HDLBP: variants seen among roughly 807,000 people sequenced by gnomAD.
HDLBP encodes vigilin.
Under a neutral mutation model 137.3 loss-of-function variants are expected in HDLBP, and 30 were observed. The ratio of observed to expected loss-of-function variants is 0.22; its 90% CI spans 0.16 to 0.30. The LOEUF (loss-of-function observed/expected upper bound fraction) is 0.30, where lower values mean the gene tolerates loss of function less well. Ranked by LOEUF, HDLBP falls within the 10% of genes least tolerant of loss-of-function variation. The pLI, the probability that HDLBP is intolerant of heterozygous loss-of-function variation, is 1.00. For missense variants in HDLBP, 1,119 were observed against 1,667.3 expected (o/e 0.67, Z 5.73); for synonymous variants, 606 against 596.0 (o/e 1.02, Z -0.24).
chr2:241,238,946 G>A lies in HDLBP; in HGVS notation c.2611-159C>T, dbSNP rs1376493193. Among the ~76,000 whole-genome samples, 2 of 152,250 alleles carry A rather than the reference G, an allele frequency of 1.3e-5. No homozygotes were observed. Among genetic ancestry groups the A allele is most frequent in the African/African-American group, 4.8e-5 (2 of 41,468 alleles). ...AGTCCAGGGCTCCAGGCGCAGGGAG[G>A]AGGGAGGTAGCAGGACAGGTCTAAG... On this transcript the variant is annotated intron_variant, in intron 19 of 27. Transcript: ENST00000310931. This position sits in a 1 kb window ranked among gnomAD's most constrained non-coding sequence, Gnocchi z 4.9.
chr2:241,236,570 G>A (rs1299551159), intron 21 of HDLBP, 45 bp downstream of exon 21: 1 of 1,602,070 alleles, frequency 6.2e-7, no homozygotes, highest in Non-Finnish European at 8.5e-7. Flanking sequence ...GGTGCCTGCT[G>A]ACTGGGCCTT....
chr2:241,263,603 G>A (rs140992155), intron 4 of HDLBP, among the ~76,000 whole-genome samples: 6 of 152,232 alleles, frequency 3.9e-5, no homozygotes, highest in African/African-American at 9.6e-5. Context: ...GAAGGATTGG[G>A]ATGCAACTGT....
chr2:241,301,024 T>C (rs1228325138), intron 1 of HDLBP, among the ~76,000 whole-genome samples: 1 of 151,320 alleles, frequency 6.6e-6, no homozygotes, highest in East Asian at 1.9e-4. Flanking sequence ...TCACCCAGGC[T>C]GGAGTGCAGT....
At chr2:241,231,137 C>A in intron 24 of HDLBP, 193 bp from the exon 25 acceptor site, 1 of 554,148 alleles carries the variant, frequency 1.8e-6, no homozygotes, top group Non-Finnish European at 3.2e-6. Context: ...GTAATCCCAG[C>A]ACTTTGGGAG....
chr2:241,242,480 G>T lies in HDLBP; in HGVS notation c.2149C>A (p.Leu717Met). 6.2e-7 allele frequency: 1 copy of T among 1,614,088 alleles called. No individual in the cohort carries two copies. Among genetic ancestry groups the T allele is most frequent in the African/African-American group, 1.3e-5 (1 of 75,062 alleles). ...SDVEKAKKQL[L>M]HLAEEKQTKS... is the part of the protein sequence containing the mutation. ...CTCACCTTCTCCTCCGCCAGATGCA[G>T]GAGCTGCTTCTTGGCCTTCTCCACA... Residue 717 changes from leucine to methionine, a missense_variant, in exon 17 of 28, where the codon CTG becomes ATG. Leu to Met is a conservative substitution (Grantham distance 15, BLOSUM62 2). Around this residue, in one of 4 missense-constraint regions of HDLBP, gnomAD observed 618 missense variants for 816.7 expected, o/e 0.76. Transcript: ENST00000310931.
chr2:241,242,780 C>T (rs1040913498), intron 16 of HDLBP, 102 bp from the exon 17 acceptor site: 1 of 1,038,978 alleles, frequency 9.6e-7, no homozygotes, highest in Non-Finnish European at 1.4e-6. Context: ...AACACGCAGG[C>T]CTAGAGCCCT....
chr2:241,246,657 G>A, intron 16 of HDLBP, 95 bp downstream of exon 16: 1 of 1,222,236 alleles, frequency 8.2e-7, no homozygotes, highest in Non-Finnish European at 1.2e-6. Flanking sequence ...GCCTGCGCTG[G>A]CCCAATGACC....
chr2:241,235,662 T>C (rs1437934250), intron 21 of HDLBP, 68 bp from the exon 22 acceptor site: 4 of 1,112,818 alleles, frequency 3.6e-6, no homozygotes, highest in African/African-American at 3.1e-5. Context: ...AGCTCAGCAA[T>C]GGGGCTCCAC....
chr2:241,240,249 C>G lies in HDLBP; in HGVS notation c.2170-127G>C. 1 of 861,752 alleles carries G rather than the reference C, an allele frequency of 1.2e-6. No individual in the cohort carries two copies. Among genetic ancestry groups the G allele is most frequent in the Non-Finnish European group, 1.9e-6 (1 of 514,222 alleles). 53.4% of individuals were successfully genotyped at this position (861,752 alleles called of 1,614,324 possible). On this transcript the variant is annotated intron_variant, in intron 17 of 27. Coordinates refer to ENST00000310931, the MANE Select transcript of HDLBP (RefSeq NM_005336.6). The surrounding 1 kb of genome is among the most constrained non-coding windows in gnomAD (Gnocchi z 5.5). ...CATTGTCACCAGTGTCCTGATGTTG[C>G]ACCAATACCCCCAAAATGGGGCTAG...
intron 1 of HDLBP, among the ~76,000 whole-genome samples, chr2:241,290,541 C>A (rs149902601): frequency 6.6e-6 from 1 of 151,466 alleles, no homozygotes; most frequent in African/African-American, 2.4e-5. Context: ...ACCCAAGAGG[C>A]GGAGGTTGTG....
intron 1 of HDLBP, among the ~76,000 whole-genome samples, chr2:241,277,851 C>T (rs2074449070): frequency 6.6e-6 from 1 of 151,994 alleles, no homozygotes; most frequent in Non-Finnish European, 1.5e-5. Flanking sequence ...ATCCCAGCTA[C>T]TCAGGAGGCC....
chr2:241,302,917 C>T (rs561468837), intron 1 of HDLBP, among the ~76,000 whole-genome samples: 1 of 152,320 alleles, frequency 6.6e-6, no homozygotes, highest in South Asian at 2.1e-4. Flanking sequence ...CCACTGTGTC[C>T]TTCTCTGCCT....
At position 241,239,173 on chromosome 2, in the gene HDLBP, A is replaced by G. The variant is rs2070931851; in HGVS notation, c.2611-386T>C. Among the ~76,000 whole-genome samples, 1 of 152,222 alleles carries G rather than the reference A, an allele frequency of 6.6e-6. No individual in the cohort carries two copies. Among genetic ancestry groups the G allele is most frequent in the South Asian group, 2.1e-4 (1 of 4,834 alleles). ...GACACTCTCTAAAGACTGCTTCTAA[A>G]GACCACGTCTTCTCATGACTTCCCA... On this transcript the variant is annotated intron_variant, in intron 19 of 27. Coordinates refer to ENST00000310931, the MANE Select transcript of HDLBP (RefSeq NM_005336.6). This position sits in a 1 kb window ranked among gnomAD's most constrained non-coding sequence, Gnocchi z 4.6.
At chr2:241,261,019 C>T (rs1354369647) in intron 5 of HDLBP, among the ~76,000 whole-genome samples, 3 of 143,410 alleles carry the variant, frequency 2.1e-5, no homozygotes, top group African/African-American at 5.2e-5. Context: ...GGTGAAAACC[C>T]GCATCTGCCA....
In HDLBP at chr2:241,229,928, C is replaced by T; in HGVS notation, c.3625G>A (p.Val1209Ile). The T allele has an allele frequency of 6.2e-7, 1 of 1,604,080 alleles. No individual in the cohort carries two copies. Among genetic ancestry groups the T allele is most frequent in the African/African-American group, 1.3e-5 (1 of 74,852 alleles). The change falls in exon 27 of 28, where the codon GTA (valine) becomes ATA (isoleucine). Residue 1209 changes from valine to isoleucine, a missense_variant. By Grantham distance (29) the Val-to-Ile change is conservative. Around this residue, in one of 4 missense-constraint regions of HDLBP, gnomAD observed 618 missense variants for 816.7 expected, o/e 0.76. Transcript: ENST00000310931. ...TCGTGTGCTGGGGGTTTCATGTATA[C>T]CTGCAGCGCCTCACTGTCCACCACG... Reference protein sequence around the residue: ...ADVVDSEALQVYMKPPAHEEA... With the variant: ...ADVVDSEALQIYMKPPAHEEA...
At chr2:241,314,601 G>A (rs188250093) in intron 1 of HDLBP, among the ~76,000 whole-genome samples, 2 of 152,224 alleles carry the variant, frequency 1.3e-5, no homozygotes, top group African/African-American at 4.8e-5. Flanking sequence ...CACCATAATA[G>A]GCACTGTTTA....
intron 11 of HDLBP, 128 bp from the exon 12 acceptor site, chr2:241,250,108 C>T (rs1208654252): frequency 1.2e-5 from 11 of 908,500 alleles, no homozygotes; most frequent in East Asian, 5.3e-5. Flanking sequence ...AAAAACGATG[C>T]TTAGCTTCCC....
intron 11 of HDLBP, chr2:241,250,419 G>A (rs1239329119): frequency 1.3e-5 from 2 of 156,408 alleles, no homozygotes; most frequent in South Asian, 1.9e-4. Flanking sequence ...TGACGCCTAA[G>A]AGCCTTGTGG....
At chr2:241,292,547 G>A (rs143657807) in intron 1 of HDLBP, among the ~76,000 whole-genome samples, 1,760 of 152,312 alleles carry the variant, frequency 0.012, 24 homozygotes, top group Middle Eastern at 0.027. Context: ...TAATATTAAT[G>A]AGCGTGGTTG....
Sources: gnomAD v4.1 joint callset for allele counts (sites outside exome capture counted in the v4.1 genomes callset) on GRCh38, gnomAD v4.1.1 for gene constraint, gnomAD v4.1.1 regional missense constraint, Gnocchi (gnomAD v3.1) non-coding constraint, MANE v1.5 for transcripts, NCBI Gene and HGNC (gene_info 2026-07-23, HGNC 2026-07-21) for gene names.